Variants in RTN1 observed in about 807,000 individuals in gnomAD.
RTN1 encodes reticulon 1, also known as reticulon-1.
A neutral mutation model predicts 65.5 loss-of-function variants in RTN1; 25 were observed. That is an observed-to-expected ratio of 0.38 (90% CI 0.28 to 0.53). The LOEUF (loss-of-function observed/expected upper bound fraction) is 0.53, where lower values mean the gene tolerates loss of function less well. Among genes scored for constraint, RTN1 ranks in the 20% least tolerant of loss-of-function variants. The pLI, the probability that RTN1 is intolerant of heterozygous loss-of-function variation, is 0.79. For missense variants in RTN1, 983 were observed against 1,025.4 expected, an observed-to-expected ratio of 0.96 and a Z score of 0.57; for synonymous variants, 471 against 447.6, an observed-to-expected ratio of 1.05 and a Z score of -0.66.
chr14:59,848,551 G>T (rs1887449710), intron 1 of RTN1, among the ~76,000 whole-genome samples: 1 of 152,170 alleles, frequency 6.6e-6, no homozygotes, highest in Non-Finnish European at 1.5e-5. Context: ...ATAGGAGCAA[G>T]AATTTACACT....
At chr14:59,676,421 C>T (rs1883628696) in intron 3 of RTN1, among the ~76,000 whole-genome samples, 1 of 152,102 alleles carries the variant, frequency 6.6e-6, no homozygotes, top group Admixed American at 6.6e-5. Context: ...AATTAGAGAA[C>T]AGGTTCAATT....
chr14:59,666,358 T>C (rs1368526100), intron 3 of RTN1, among the ~76,000 whole-genome samples: 2 of 152,014 alleles, frequency 1.3e-5, no homozygotes, highest in Non-Finnish European at 2.9e-5. Flanking sequence ...AATAACAAAA[T>C]GAAGGCAGAA....
intron 3 of RTN1, among the ~76,000 whole-genome samples, chr14:59,719,588 G>A (rs1045085291): frequency 3.3e-5 from 5 of 152,212 alleles, no homozygotes; most frequent in African/African-American, 1.2e-4. Context: ...AAGGAAAGAT[G>A]GATGTATGAA....
At chr14:59,722,127 G>C (rs1884661051) in intron 3 of RTN1, among the ~76,000 whole-genome samples, 1 of 152,158 alleles carries the variant, frequency 6.6e-6, no homozygotes, top group Non-Finnish European at 1.5e-5. Flanking sequence ...TGAGAACTTA[G>C]AACTGTAAGA....
At chr14:59,710,262 G>T (rs78708888) in intron 3 of RTN1, among the ~76,000 whole-genome samples, 2,979 of 152,098 alleles carry the variant, frequency 0.02, 95 homozygotes, top group African/African-American at 0.068. Context: ...GCTAAGGCTG[G>T]TCTCAAACAC....
At chr14:59,690,385 C>A (rs1239369726) in intron 3 of RTN1, among the ~76,000 whole-genome samples, 2 of 151,934 alleles carry the variant, frequency 1.3e-5, no homozygotes, top group African/African-American at 4.8e-5. Context: ...GCATTCAATT[C>A]AACTAGAAGC....
intron 3 of RTN1, among the ~76,000 whole-genome samples, chr14:59,682,118 G>A (rs987718969): frequency 5.9e-5 from 9 of 152,216 alleles, no homozygotes; most frequent in African/African-American, 2.2e-4. Flanking sequence ...CCATGGCTTT[G>A]CCACTGACAT....
chr14:59,718,651 T>C (rs759164580), intron 3 of RTN1, among the ~76,000 whole-genome samples: 1 of 152,206 alleles, frequency 6.6e-6, no homozygotes, highest in Non-Finnish European at 1.5e-5. Flanking sequence ...GAAAATATGC[T>C]AGATACAGTG....
intron 3 of RTN1, among the ~76,000 whole-genome samples, chr14:59,723,335 G>A (rs1041326288): frequency 2.8e-4 from 42 of 152,112 alleles, no homozygotes; most frequent in African/African-American, 9.4e-4. Context: ...GGCCGAGTGC[G>A]GTGGCTCACG....
intron 3 of RTN1, among the ~76,000 whole-genome samples, chr14:59,684,086 A>G (rs1465965943): frequency 6.6e-6 from 1 of 152,092 alleles, no homozygotes. Flanking sequence ...ACAAAAAGAG[A>G]AAGACTTTAA....
intron 1 of RTN1, among the ~76,000 whole-genome samples, chr14:59,749,687 T>C (rs1222005387): frequency 2.5e-4 from 13 of 51,070 alleles, no homozygotes; most frequent in East Asian, 2.1e-3. Flanking sequence ...ATCTATATAT[T>C]TACATATATA....
chr14:59,808,554 A>G (rs1341794919), intron 1 of RTN1, among the ~76,000 whole-genome samples: 1 of 152,182 alleles, frequency 6.6e-6, no homozygotes, highest in Non-Finnish European at 1.5e-5. Flanking sequence ...GACCCAGACA[A>G]AACAGGGCTA....
intron 3 of RTN1, among the ~76,000 whole-genome samples, chr14:59,685,624 C>T (rs902575927): frequency 6.6e-6 from 1 of 152,006 alleles, no homozygotes; most frequent in African/African-American, 2.4e-5. Flanking sequence ...ATGTATATCT[C>T]TACACTAAAG....
At chr14:59,627,442 C>T (rs865956963) in intron 3 of RTN1, among the ~76,000 whole-genome samples, 20 of 152,136 alleles carry the variant, frequency 1.3e-4, no homozygotes, top group African/African-American at 4.6e-4. Context: ...TTTGTGGGGA[C>T]TAAATGTAGT....
At chr14:59,630,398 G>C in intron 3 of RTN1, 1 of 1,611,626 alleles carries the variant, frequency 6.2e-7, no homozygotes, top group Non-Finnish European at 8.5e-7. Flanking sequence ...TCCAGGTCCC[G>C]GGTTTCCCGT....
At chr14:59,822,269 T>A (rs1288270658) in intron 1 of RTN1, among the ~76,000 whole-genome samples, 1 of 152,204 alleles carries the variant, frequency 6.6e-6, no homozygotes, top group African/African-American at 2.4e-5. Flanking sequence ...ATTTATCCAT[T>A]TCTTCTAGGT....
intron 1 of RTN1, among the ~76,000 whole-genome samples, chr14:59,748,852 C>G (rs750987637): frequency 1.2e-4 from 18 of 151,826 alleles, no homozygotes; most frequent in Non-Finnish European, 1.6e-4. Flanking sequence ...TGCAGTGGAG[C>G]GATCTTGGCT....
At chr14:59,618,957 C>A (rs537799216) in intron 3 of RTN1, among the ~76,000 whole-genome samples, 2 of 152,282 alleles carry the variant, frequency 1.3e-5, no homozygotes, top group South Asian at 4.1e-4. Flanking sequence ...ATTGAACAAT[C>A]TTTTGACAAA....
At chr14:59,675,193 G>T (rs1257030883) in intron 3 of RTN1, among the ~76,000 whole-genome samples, 1 of 152,154 alleles carries the variant, frequency 6.6e-6, no homozygotes, top group Non-Finnish European at 1.5e-5. Flanking sequence ...GTCAGGGAAG[G>T]TTTCCTGGAA....
Sources: gnomAD v4.1 joint callset for allele counts (sites outside exome capture counted in the v4.1 genomes callset) on GRCh38, gnomAD v4.1.1 for gene constraint, MANE v1.5 for transcripts, NCBI Gene and HGNC (gene_info 2026-07-23, HGNC 2026-07-21) for gene names.